C12orf75: variants seen among roughly 807,000 people sequenced by gnomAD.
C12orf75 encodes chromosome 12 open reading frame 75.
In C12orf75, 4 loss-of-function variants were observed where a neutral mutation model predicts 11.4. That is an observed-to-expected ratio of 0.35 (90% CI 0.17 to 0.80). C12orf75 has a LOEUF of 0.80. Ranked by LOEUF, C12orf75 falls within the 30% of genes least tolerant of loss-of-function variation. The pLI is 0.52. For missense variants in C12orf75, 89 were observed against 80.4 expected (o/e 1.11, Z -0.41); for synonymous variants, 30 against 30.0 (o/e 1.00, Z 0.00).
chr12:105,365,677 T>C, intron 2 of C12orf75, 130 bp from the exon 3 acceptor site: 1 of 683,848 alleles, frequency 1.5e-6, no homozygotes. Context: ...TTTGCTCCTC[T>C]ACTTAAGTCT....
intron 1 of C12orf75, among the ~76,000 whole-genome samples, chr12:105,332,526 A>T (rs1319944727): frequency 2.0e-5 from 3 of 151,962 alleles, no homozygotes; most frequent in Non-Finnish European, 4.4e-5. Flanking sequence ...GAGCTCAGGA[A>T]CTCGAGACCA....
At chr12:105,335,141 T>C (rs1160814406) in intron 1 of C12orf75, among the ~76,000 whole-genome samples, 1 of 152,246 alleles carries the variant, frequency 6.6e-6, no homozygotes, top group Non-Finnish European at 1.5e-5. Context: ...TTCTGCTGTT[T>C]ATGTAACAAT....
At chr12:105,352,574 AT>A (rs1394709154) in intron 2 of C12orf75, among the ~76,000 whole-genome samples, 1 of 151,994 alleles carries the variant, frequency 6.6e-6, no homozygotes, top group Non-Finnish European at 1.5e-5. Flanking sequence ...AGTTGTGAGT[AT>A]GGTTGATTTT....
intron 2 of C12orf75, among the ~76,000 whole-genome samples, chr12:105,357,662 G>T (rs567038667): frequency 6.6e-6 from 1 of 152,234 alleles, no homozygotes; most frequent in East Asian, 1.9e-4. Context: ...TACTCAACGG[G>T]TGGCTTGAAC....
chr12:105,333,610 T>C (rs1346632468), intron 1 of C12orf75, among the ~76,000 whole-genome samples: 3 of 152,214 alleles, frequency 2.0e-5, no homozygotes, highest in Non-Finnish European at 4.4e-5. Context: ...TTTGGTGCTG[T>C]GCTGTTTGCA....
intron 1 of C12orf75, among the ~76,000 whole-genome samples, chr12:105,345,533 A>T (rs1052376305): frequency 6.6e-6 from 1 of 151,990 alleles, no homozygotes; most frequent in Non-Finnish European, 1.5e-5. Flanking sequence ...ACCCCAAAAT[A>T]TATTTCTTTG....
chr12:105,352,040 A>G (rs1242658783), intron 2 of C12orf75, among the ~76,000 whole-genome samples: 1 of 152,192 alleles, frequency 6.6e-6, no homozygotes, highest in Non-Finnish European at 1.5e-5. Flanking sequence ...AGAAGAGGTG[A>G]TACAAACAAG....
At chr12:105,335,560 TTA>T (rs1255653002) in intron 1 of C12orf75, among the ~76,000 whole-genome samples, 2 of 152,226 alleles carry the variant, frequency 1.3e-5, no homozygotes. Context: ...GATACTATGT[TTA>T]TTTCTTGTCT....
At chr12:105,364,728 T>C (rs1275087746) in intron 2 of C12orf75, among the ~76,000 whole-genome samples, 1 of 150,546 alleles carries the variant, frequency 6.6e-6, no homozygotes, top group African/African-American at 2.4e-5. Context: ...TGTTGAATTA[T>C]TTTTTTTTTC....
intron 2 of C12orf75, among the ~76,000 whole-genome samples, chr12:105,358,356 AC>A (rs1892813918): frequency 1.3e-5 from 2 of 152,002 alleles, no homozygotes; most frequent in South Asian, 4.2e-4. Flanking sequence ...TCTCTACAAA[AC>A]CAAAAAACAT....
intron 1 of C12orf75, 47 bp downstream of exon 1, chr12:105,330,984 C>A: frequency 9.1e-7 from 1 of 1,099,126 alleles, no homozygotes; most frequent in Non-Finnish European, 1.2e-6. Context: ...GCGGGAGAGG[C>A]GGCGGGAAGG....
At chr12:105,360,421 CA>C (rs1177530746) in intron 2 of C12orf75, among the ~76,000 whole-genome samples, 7 of 152,204 alleles carry the variant, frequency 4.6e-5, no homozygotes, top group African/African-American at 1.7e-4. Context: ...CCATTTCCAG[CA>C]AGACATTCTG....
chr12:105,362,836 G>T (rs1247840714), intron 2 of C12orf75, among the ~76,000 whole-genome samples: 1 of 152,160 alleles, frequency 6.6e-6, no homozygotes, highest in African/African-American at 2.4e-5. Context: ...ATGCTACTCA[G>T]TTTTTTCATT....
At chr12:105,353,509 A>T (rs1403008508) in intron 2 of C12orf75, 1 of 152,072 alleles carries the variant, frequency 6.6e-6, no homozygotes, top group Non-Finnish European at 1.5e-5. Flanking sequence ...CCACCTTACC[A>T]TATGGCCAAA....
intron 2 of C12orf75, among the ~76,000 whole-genome samples, chr12:105,354,775 C>T (rs1009395459): frequency 6.6e-5 from 10 of 151,962 alleles, no homozygotes; most frequent in Non-Finnish European, 1.2e-4. Flanking sequence ...AGCAGATGGA[C>T]GGATTCATCC....
At chr12:105,339,836 G>C (rs1892545218) in intron 1 of C12orf75, among the ~76,000 whole-genome samples, 1 of 151,764 alleles carries the variant, frequency 6.6e-6, no homozygotes, top group African/African-American at 2.4e-5. Flanking sequence ...TAGCTAGGAT[G>C]GTCTCGATCT....
chr12:105,353,426 G>C (rs924947474), intron 2 of C12orf75: 2 of 152,258 alleles, frequency 1.3e-5, no homozygotes, highest in East Asian at 3.8e-4. Context: ...CAGTGGGCCA[G>C]GAGAATGTGG....
intron 2 of C12orf75, among the ~76,000 whole-genome samples, chr12:105,363,727 TAAA>T (rs34851203): frequency 1.4e-5 from 2 of 142,638 alleles, no homozygotes; most frequent in Non-Finnish European, 1.5e-5. Context: ...CTGTCTTAAT[TAAA>T]AAAAAAAAAA....
intron 1 of C12orf75, among the ~76,000 whole-genome samples, chr12:105,331,323 C>G (rs1233300433): frequency 6.6e-6 from 1 of 152,032 alleles, no homozygotes; most frequent in East Asian, 1.9e-4. Flanking sequence ...CCCATCTCCT[C>G]GGAACCAAGG....
Sources: gnomAD v4.1 joint callset for allele counts (sites outside exome capture counted in the v4.1 genomes callset) on GRCh38, gnomAD v4.1.1 for gene constraint, MANE v1.5 for transcripts, NCBI Gene and HGNC (gene_info 2026-07-23, HGNC 2026-07-21) for gene names.